Variants in ADAM9 observed in about 807,000 individuals in gnomAD.
ADAM9 encodes ADAM metallopeptidase domain 9.
A neutral mutation model predicts 108.1 loss-of-function variants in ADAM9; 54 were observed. The ratio of observed to expected loss-of-function variants is 0.50; its 90% confidence interval spans 0.40 to 0.63. The LOEUF (loss-of-function observed/expected upper bound fraction) is 0.63. Among genes scored for constraint, ADAM9 ranks in the 20% least tolerant of loss-of-function variants. The probability of loss-of-function intolerance (pLI) is 0.00; values close to 1 mark genes in which losing one functional copy is unlikely to be tolerated. For missense variants in ADAM9, 830 were observed against 997.7 expected (o/e 0.83, Z 2.26); for synonymous variants, 316 against 336.0 (o/e 0.94, Z 0.65).
chr8:39,087,718 C>T (rs1332427741), intron 18 of ADAM9, among the ~76,000 whole-genome samples: 2 of 152,102 alleles, frequency 1.3e-5, no homozygotes, highest in Non-Finnish European at 2.9e-5. Context: ...GTGTTGAATG[C>T]TTTAATTTAA....
intron 18 of ADAM9, among the ~76,000 whole-genome samples, chr8:39,087,367 C>T (rs1299441873): frequency 6.6e-6 from 1 of 152,204 alleles, no homozygotes; most frequent in Non-Finnish European, 1.5e-5. Context: ...AATCTGGTCC[C>T]TGTTATTCCA....
chr8:39,056,270 T>A (rs1838120470), intron 14 of ADAM9, among the ~76,000 whole-genome samples: 1 of 152,186 alleles, frequency 6.6e-6, no homozygotes, highest in South Asian at 2.1e-4. Flanking sequence ...AAGAGCCAAA[T>A]TATTGTGTAA....
At chr8:39,026,581 T>C in intron 10 of ADAM9, 96 bp from the exon 11 acceptor site, 1 of 1,461,648 alleles carries the variant, frequency 6.8e-7, no homozygotes, top group Non-Finnish European at 9.6e-7. Flanking sequence ...GTCAACAGTG[T>C]AGTGAATAAA....
chr8:39,052,276 T>C (rs1439951541), intron 12 of ADAM9, among the ~76,000 whole-genome samples: 1 of 152,126 alleles, frequency 6.6e-6, no homozygotes, highest in Non-Finnish European at 1.5e-5. Flanking sequence ...TTCTATGAAT[T>C]ATTATTTTAT....
intron 4 of ADAM9, chr8:39,015,200 T>G (rs1165447512): frequency 6.6e-6 from 1 of 152,288 alleles, no homozygotes; most frequent in Non-Finnish European, 1.5e-5. Context: ...TGTTTGTGCC[T>G]TGGTATCTTC....
chr8:39,008,134 T>C, intron 2 of ADAM9, 151 bp downstream of exon 2: 2 of 641,796 alleles, frequency 3.1e-6, no homozygotes, highest in Non-Finnish European at 5.4e-6. Context: ...GTCCCCTGGA[T>C]GTTATGCTAG....
chr8:39,050,620 C>T (rs1033262298), intron 12 of ADAM9, among the ~76,000 whole-genome samples: 1 of 152,036 alleles, frequency 6.6e-6, no homozygotes, highest in Admixed American at 6.6e-5. Context: ...ACTAGTTAAC[C>T]TGGCCAGAGC....
Position 39,091,252 on chromosome 8 carries a change from C to A in ADAM9, c.2211-7C>A, listed in dbSNP as rs202141466. 1.2e-6 allele frequency: 2 copies of A among 1,612,766 alleles called. No individual in the cohort carries two copies. The highest frequency in any genetic ancestry group is 2.2e-5 in the South Asian group (2 of 91,060). On this transcript the variant is annotated splice_polypyrimidine_tract_variant and splice_region_variant and intron_variant, in intron 19 of 21. Transcript: ENST00000487273. ...TAATTTAGATCAAAAGTAATTGTAT[C>A]TTTCAGGTCAGATGGCAAAAATCAA...
At chr8:39,065,790 T>C (rs1241638602) in intron 14 of ADAM9, among the ~76,000 whole-genome samples, 1 of 152,082 alleles carries the variant, frequency 6.6e-6, no homozygotes, top group African/African-American at 2.4e-5. Flanking sequence ...CTAGGGTACA[T>C]GTGCACAACG....
intron 11 of ADAM9, among the ~76,000 whole-genome samples, chr8:39,037,967 C>T (rs1251137830): frequency 6.6e-6 from 1 of 152,170 alleles, no homozygotes; most frequent in Non-Finnish European, 1.5e-5. Context: ...GTAACTCCTT[C>T]CTTCTAGTAT....
At chr8:39,029,737 C>A (rs1480110219) in intron 11 of ADAM9, among the ~76,000 whole-genome samples, 1 of 152,062 alleles carries the variant, frequency 6.6e-6, no homozygotes, top group Non-Finnish European at 1.5e-5. Flanking sequence ...CTCATTTGGT[C>A]GGAGGGCCTG....
chr8:39,053,849 T>G (rs918215243), intron 12 of ADAM9, among the ~76,000 whole-genome samples: 1 of 152,208 alleles, frequency 6.6e-6, no homozygotes, highest in African/African-American at 2.4e-5. Context: ...CTGACCTCTC[T>G]GTGATCATCA....
chr8:39,061,601 A>ATTAT (rs1371526141), intron 14 of ADAM9, among the ~76,000 whole-genome samples: 1 of 152,172 alleles, frequency 6.6e-6, no homozygotes, highest in African/African-American at 2.4e-5. Flanking sequence ...AGACCGGGTA[A>ATTAT]TTAATAGTGA....
chr8:39,037,867 T>C (rs766351970), intron 11 of ADAM9, among the ~76,000 whole-genome samples: 5 of 152,256 alleles, frequency 3.3e-5, no homozygotes, highest in Non-Finnish European at 5.9e-5. Flanking sequence ...ACATTTTTAC[T>C]TGATGTCTAA....
intron 15 of ADAM9, among the ~76,000 whole-genome samples, chr8:39,075,028 T>G (rs1332513385): frequency 6.6e-6 from 1 of 150,578 alleles, no homozygotes; most frequent in Admixed American, 6.7e-5. Flanking sequence ...TGCCTCAGCC[T>G]CTGGAGTAGC....
At chr8:39,089,079 T>C (rs1839266207) in intron 18 of ADAM9, among the ~76,000 whole-genome samples, 1 of 152,086 alleles carries the variant, frequency 6.6e-6, no homozygotes, top group Non-Finnish European at 1.5e-5. Flanking sequence ...GAAACCTGTC[T>C]CTACTAATAA....
chr8:38,997,179 G>A lies in ADAM9; in HGVS notation c.97+19G>A. ...CGGCCAGGTGGGTGTCCGCGCCCCG[G>A]GTCGGTTGGGACGGCTGCTTCCTAG... is the stretch of plus-strand genomic sequence containing the variant. On this transcript the variant is annotated intron_variant, in intron 1 of 21. Coordinates refer to ENST00000487273, the MANE Select transcript of ADAM9 (RefSeq NM_003816.3). 1 of 1,593,722 alleles carries A rather than the reference G, an allele frequency of 6.3e-7. No individual in the cohort carries two copies. The highest frequency in any genetic ancestry group is 8.5e-7 in the Non-Finnish European group (1 of 1,176,848).
chr8:38,997,017 A>G lies in ADAM9; in HGVS notation c.-47A>G, dbSNP rs1222252977. ...GGTTGGAAAATGATGGAAGAGGCGGAGGTGGAGGCGACCGAGTGCTGAGAG... is the reference window on the plus strand; with the variant it reads ...GGTTGGAAAATGATGGAAGAGGCGGGGGTGGAGGCGACCGAGTGCTGAGAG... On this transcript the variant is annotated 5_prime_UTR_variant, in exon 1 of 22. Coordinates refer to ENST00000487273, the MANE Select transcript of ADAM9 (RefSeq NM_003816.3). The G allele has an allele frequency of 1.4e-5, 23 of 1,591,430 alleles. No homozygotes were observed. Among genetic ancestry groups the G allele is most frequent in the Non-Finnish European group, 1.9e-5 (22 of 1,173,954 alleles).
intron 2 of ADAM9, 63 bp from the exon 3 acceptor site, chr8:39,011,595 A>C: frequency 7.0e-7 from 1 of 1,428,576 alleles, no homozygotes; most frequent in Admixed American, 1.7e-5. Context: ...CTTATAAATG[A>C]GATGTTGTTG....
Sources: allele counts gnomAD v4.1 joint callset (sites outside exome capture counted in the v4.1 genomes callset), GRCh38; gene constraint gnomAD v4.1.1; transcripts MANE v1.5; gene names NCBI Gene and HGNC (gene_info 2026-07-23, HGNC 2026-07-21).